The following ZMYM1 variants were observed in gnomAD, a reference collection of about 807,000 sequenced individuals.
The protein encoded by ZMYM1 is zinc finger MYM-type containing 1.
Under a neutral mutation model 60.0 loss-of-function variants are expected in ZMYM1, and 39 were observed. That is an observed-to-expected ratio of 0.65 (90% CI 0.50 to 0.85). The LOEUF is 0.85. Among genes scored for constraint, ZMYM1 ranks in the 40% least tolerant of loss-of-function variants. ZMYM1 has a pLI of 0.00. For synonymous variants in ZMYM1, 413 were observed against 454.0 expected (o/e 0.91, Z 1.15); for missense variants, 1,171 against 1,309.5 (o/e 0.89, Z 1.63).
downstream of ZMYM1, among the ~76,000 whole-genome samples, chr1:35,116,929 C>T (rs1273670092): frequency 7.2e-5 from 10 of 138,612 alleles, no homozygotes; most frequent in Non-Finnish European, 1.2e-4. Context: ...CTGCAAGCTC[C>T]GCCTTCCGGG....
Position 35,082,435 on chromosome 1 carries a change from G to T in ZMYM1, c.-75+2993G>T, listed in dbSNP as rs536106018. ...AACCTCCACCTCCTGGGTTCATGCA[G>T]TTCTCCTGCCTCAGCTTCCCGAGTA... On this transcript the variant is annotated intron_variant, in intron 1 of 9. Transcript: ENST00000359858. 2.0e-5 allele frequency among the ~76,000 whole-genome samples: 3 copies of T among 151,424 alleles called. No homozygotes were observed. In the East Asian group the frequency reaches 5.9e-4, roughly 30 times the overall value.
intron 1 of ZMYM1, among the ~76,000 whole-genome samples, chr1:35,073,630 TAAAAA>T (rs911834155): frequency 1.7e-5 from 1 of 58,004 alleles, no homozygotes; most frequent in East Asian, 4.1e-4. Context: ...AGAAAGGAAA[TAAAAA>T]AAGAAAAGAA....
At chr1:35,116,615 G>A (rs988710148), downstream of ZMYM1, among the ~76,000 whole-genome samples, 21 of 151,832 alleles carry the variant, frequency 1.4e-4, no homozygotes, top group African/African-American at 4.8e-4. Context: ...ACGCCACCAC[G>A]CCTGGCTAAT....
chr1:35,117,678 C>T (rs543261815), downstream of ZMYM1, among the ~76,000 whole-genome samples: 1 of 152,184 alleles, frequency 6.6e-6, no homozygotes, highest in Admixed American at 6.5e-5. Flanking sequence ...CAGTGGCTCA[C>T]ACTTGTAATC....
At chr1:35,064,049 G>A (rs981386641) in intron 1 of ZMYM1, among the ~76,000 whole-genome samples, 1 of 152,064 alleles carries the variant, frequency 6.6e-6, no homozygotes, top group African/African-American at 2.4e-5. Flanking sequence ...GTTTCAGCCG[G>A]GCACAGTGGC....
At chr1:35,068,740 T>C (rs1642020192) in intron 1 of ZMYM1, among the ~76,000 whole-genome samples, 1 of 151,676 alleles carries the variant, frequency 6.6e-6, no homozygotes, top group African/African-American at 2.4e-5. Context: ...AATATAAAAC[T>C]ATAAAATTTT....
rs1259760565 is a variant in ZMYM1 at position 35,114,930 on chromosome 1, G to A, written c.3100G>A (p.Ala1034Thr). The change falls in exon 10 of 10, where the codon GCA becomes ACA. Residue 1034 changes from alanine (A) to threonine (T), a missense_variant. Coordinates refer to ENST00000359858, the MANE Select transcript of ZMYM1 (RefSeq NM_024772.5). ...AGAACTTAGATTTTATCGACATTAT[G>A]CAAAGCTTAACTTTGTCATAGATGA... ...IPELRFYRHY[A>T]KLNFVIDDSC... 6.2e-7 allele frequency: 1 copy of A among 1,613,536 alleles called. No homozygotes were observed. Among genetic ancestry groups the A allele is most frequent in the Admixed American group, 1.7e-5 (1 of 60,018 alleles).
At chr1:35,074,244 T>C (rs1385239605) in intron 1 of ZMYM1, among the ~76,000 whole-genome samples, 5 of 152,324 alleles carry the variant, frequency 3.3e-5, no homozygotes, top group Admixed American at 3.3e-4. Flanking sequence ...CTATGATCTC[T>C]ATCTTCTTAA....
chr1:35,084,198 A>G (rs990157844), intron 1 of ZMYM1, among the ~76,000 whole-genome samples: 2 of 121,678 alleles, frequency 1.6e-5, no homozygotes, highest in Non-Finnish European at 3.4e-5. Flanking sequence ...TTTTTTTTTG[A>G]TGGATGCCAG....
chr1:35,079,724 C>T (rs775558368), intron 1 of ZMYM1, among the ~76,000 whole-genome samples: 8 of 152,230 alleles, frequency 5.3e-5, no homozygotes, highest in Non-Finnish European at 1.2e-4. Context: ...TGTGTAGTAA[C>T]TGGGCCTTCA....
chr1:35,068,050 G>A (rs755611528), intron 1 of ZMYM1, among the ~76,000 whole-genome samples: 27 of 151,960 alleles, frequency 1.8e-4, no homozygotes, highest in Non-Finnish European at 3.1e-4. Context: ...GCCTCCCAAA[G>A]TGCTGGGATT....
intron 1 of ZMYM1, among the ~76,000 whole-genome samples, chr1:35,092,905 G>A (rs906685428): frequency 2.0e-5 from 3 of 151,824 alleles, no homozygotes; most frequent in African/African-American, 7.3e-5. Context: ...GATTACAGGC[G>A]TGAGCCACTG....
At chr1:35,106,428 G>T (rs1216580744) in intron 6 of ZMYM1, among the ~76,000 whole-genome samples, 1 of 151,928 alleles carries the variant, frequency 6.6e-6, no homozygotes, top group Non-Finnish European at 1.5e-5. Flanking sequence ...GGCCAACATG[G>T]CGAAAACCCG....
chr1:35,089,295 T>G (rs1315236754), intron 1 of ZMYM1, among the ~76,000 whole-genome samples: 1 of 152,218 alleles, frequency 6.6e-6, no homozygotes, highest in African/African-American at 2.4e-5. Context: ...GTTTAAGACT[T>G]GCATGGCATG....
intron 1 of ZMYM1, among the ~76,000 whole-genome samples, 162 bp downstream of exon 1, chr1:35,079,604 C>T (rs1569858273): frequency 6.6e-6 from 1 of 152,150 alleles, no homozygotes; most frequent in Non-Finnish European, 1.5e-5. Context: ...TCGGGAACTC[C>T]GGGCCAGGCC....
At chr1:35,096,499 A>G (rs1380369072) in intron 3 of ZMYM1, among the ~76,000 whole-genome samples, 1 of 150,264 alleles carries the variant, frequency 6.7e-6, no homozygotes, top group East Asian at 2.0e-4. Context: ...GTGCATGCCT[A>G]TAGTCCCAGC....
At chr1:35,109,708 C>T (rs779197991) in intron 6 of ZMYM1, among the ~76,000 whole-genome samples, 5 of 151,900 alleles carry the variant, frequency 3.3e-5, no homozygotes, top group Non-Finnish European at 7.4e-5. Context: ...TAGGCTTTGA[C>T]TGCCTGAAAT....
At chr1:35,090,549 T>G (rs950035449) in intron 1 of ZMYM1, among the ~76,000 whole-genome samples, 4 of 152,138 alleles carry the variant, frequency 2.6e-5, no homozygotes, top group Non-Finnish European at 4.4e-5. Flanking sequence ...AAAAGAGACC[T>G]TGCTTTCGTA....
At chr1:35,060,176 ATTATT>A (rs1489890699) in intron 1 of ZMYM1, among the ~76,000 whole-genome samples, 2 of 148,752 alleles carry the variant, frequency 1.3e-5, no homozygotes, top group African/African-American at 4.9e-5. Context: ...TATTATTATT[ATTATT>A]ATTTTGAGAC....
Sources: allele counts gnomAD v4.1 joint callset (sites outside exome capture counted in the v4.1 genomes callset), GRCh38; gene constraint gnomAD v4.1.1; transcripts MANE v1.5; gene names NCBI Gene and HGNC (gene_info 2026-07-23, HGNC 2026-07-21).